The following AGPAT4 variants were observed in gnomAD, a reference collection of about 807,000 sequenced individuals.
The protein encoded by AGPAT4 is 1-acylglycerol-3-phosphate O-acyltransferase 4.
AGPAT4 carries 15 observed loss-of-function variants against 48.0 expected under a neutral mutation model. The observed-to-expected ratio is 0.31, with a 90% confidence interval of 0.21 to 0.48. The LOEUF (loss-of-function observed/expected upper bound fraction) is 0.48. Among genes scored for constraint, AGPAT4 ranks in the 20% least tolerant of loss-of-function variants. The probability of loss-of-function intolerance (pLI) is 0.99; values close to 1 mark genes in which losing one functional copy is unlikely to be tolerated. For missense variants in AGPAT4, 314 were observed against 482.5 expected (o/e 0.65, Z 3.27); for synonymous variants, 178 against 198.7 (o/e 0.90, Z 0.88).
Position 161,139,354 on chromosome 6 carries a change from C to G in AGPAT4, c.1042+68G>C. ...ACTGCCTATACAGATGGCCTTCGTC[C>G]CAGCCCTGATGCCACCTCTCCCAGG... On this transcript the variant is annotated intron_variant, in intron 8 of 8. Transcript: ENST00000320285. This position sits in a 1 kb window ranked among gnomAD's most constrained non-coding sequence, Gnocchi z 9.1. 1 of 1,566,684 alleles carries G rather than the reference C, an allele frequency of 6.4e-7. No homozygotes were observed. The highest frequency in any genetic ancestry group is 8.7e-7 in the Non-Finnish European group (1 of 1,145,548).
rs181766196 is a variant in AGPAT4 at position 161,229,187 on chromosome 6, C to A, written c.178+2849G>T. The stretch of plus-strand genomic sequence containing the variant: ...AAGCCATAGCTCTGCTAGAGGAAAG[C>A]GAACACAGAGATGGAAGGGCTCCGT... On this transcript the variant is annotated intron_variant, in intron 2 of 8. Transcript: ENST00000320285. The surrounding 1 kb of genome is among the most constrained non-coding windows in gnomAD (Gnocchi z 6.0). Among the ~76,000 whole-genome samples the A allele has an allele frequency of 9.9e-5, 15 of 152,090 alleles. No homozygotes were observed. Among genetic ancestry groups the A allele is most frequent in the African/African-American group, 3.6e-4 (15 of 41,496 alleles).
In AGPAT4 at chr6:161,225,010, C is replaced by T. The variant is rs532359734; in HGVS notation, c.178+7026G>A. The stretch of plus-strand genomic sequence containing the variant: ...GCTCCACCCTGACTCATTCCAATTA[C>T]GTGCTTCACCCTGACTCCTTCCAAC... On this transcript the variant is annotated intron_variant, in intron 2 of 8. Transcript: ENST00000320285. The surrounding 1 kb of genome is among the most constrained non-coding windows in gnomAD (Gnocchi z 5.0). Among the ~76,000 whole-genome samples, 5 of 152,220 alleles carry T rather than the reference C, an allele frequency of 3.3e-5. No homozygotes were observed. In the South Asian group the frequency reaches 6.2e-4, roughly 19 times the overall value.
Position 161,216,039 on chromosome 6 carries a change from G to A in AGPAT4, c.178+15997C>T, listed in dbSNP as rs557498485. 1.2e-4 allele frequency among the ~76,000 whole-genome samples: 18 copies of A among 152,276 alleles called. No individual in the cohort carries two copies. The highest frequency in any genetic ancestry group is 4.6e-4 in the Admixed American group (7 of 15,296). On this transcript the variant is annotated intron_variant, in intron 2 of 8. Coordinates refer to ENST00000320285, the MANE Select transcript of AGPAT4 (RefSeq NM_020133.3). This position sits in a 1 kb window ranked among gnomAD's most constrained non-coding sequence, Gnocchi z 4.8. ...CTTAACCGCACCATGTCCAGTTGAC[G>A]AGGATTAAAGAAAACAAACAAAAAA...
rs1554236603 is a variant in AGPAT4, at chr6:161,219,905, A to AGGC, written c.178+12128_178+12130dup. On this transcript the variant is annotated intron_variant, in intron 2 of 8. Coordinates refer to ENST00000320285, the MANE Select transcript of AGPAT4 (RefSeq NM_020133.3). The surrounding 1 kb of genome is among the most constrained non-coding windows in gnomAD (Gnocchi z 4.9). ...CAGGCAGGCAGGCAGGCAGGCAGGC[A>AGGC]GGCAGGCAGGCGGCAGGCAGGCAGG... Among the ~76,000 whole-genome samples the AGGC allele has an allele frequency of 7.5e-5, 10 of 134,122 alleles. No individual in the cohort carries two copies. The highest frequency in any genetic ancestry group is 4.3e-4 in the East Asian group (2 of 4,612). The allele number at this position is 134,122 out of a possible 152,430, so 88.0% of individuals were successfully genotyped here.
chr6:161,258,897 A>G (rs922966068), intron 1 of AGPAT4, among the ~76,000 whole-genome samples: 5 of 152,022 alleles, frequency 3.3e-5, no homozygotes, highest in Non-Finnish European at 7.4e-5. Context: ...CCCAGGTTCA[A>G]GAGATTCTCA....
rs1782608413 is a variant in AGPAT4, at chr6:161,244,915, G to A, written c.-89-12613C>T. 6.6e-6 allele frequency among the ~76,000 whole-genome samples: 1 copy of A among 152,220 alleles called. No homozygotes were observed. ...CTGGGGAGTCCCAGTGTCAGAGACA[G>A]GCTATCTCAGAAAACCAAGGAGATG... On this transcript the variant is annotated intron_variant, in intron 1 of 8. Transcript: ENST00000320285. The surrounding 1 kb of genome is among the most constrained non-coding windows in gnomAD (Gnocchi z 4.7).
rs1323391107 is a variant in AGPAT4 at position 161,146,918 on chromosome 6, T to C, written c.768-319A>G. ...AAAAAGGCCCCCAAAACCTGATATT[T>C]GCCTCTTCCAAAGAGGACAACACTG... On this transcript the variant is annotated intron_variant, in intron 6 of 8. Transcript: ENST00000320285. The surrounding 1 kb of genome is among the most constrained non-coding windows in gnomAD (Gnocchi z 7.1). Among the ~76,000 whole-genome samples, 1 of 152,168 alleles carries C rather than the reference T, an allele frequency of 6.6e-6. No individual in the cohort carries two copies. Among genetic ancestry groups the C allele is most frequent in the African/African-American group, 2.4e-5 (1 of 41,432 alleles).
rs993409536 is a variant in AGPAT4, at chr6:161,218,519, C to T, written c.178+13517G>A. On this transcript the variant is annotated intron_variant, in intron 2 of 8. Coordinates refer to ENST00000320285, the MANE Select transcript of AGPAT4 (RefSeq NM_020133.3). The surrounding 1 kb of genome is among the most constrained non-coding windows in gnomAD (Gnocchi z 4.7). ...CTCATCTTACAATTAAAAAACCAAA[C>T]CCAGGTAAGTTGACTGTGTCACCAA... is the stretch of plus-strand genomic sequence containing the variant. Among the ~76,000 whole-genome samples, 1 of 152,172 alleles carries T rather than the reference C, an allele frequency of 6.6e-6. No individual in the cohort carries two copies. The highest frequency in any genetic ancestry group is 1.5e-5 in the Non-Finnish European group (1 of 68,034).
intron 5 of AGPAT4, among the ~76,000 whole-genome samples, chr6:161,152,054 G>A (rs2114964380): frequency 1.3e-5 from 2 of 152,190 alleles, no homozygotes; most frequent in Middle Eastern, 3.4e-3. Flanking sequence ...CGGTTCTGCA[G>A]GCCCAAGTGA....
In AGPAT4 at chr6:161,236,982, A is replaced by T. The variant is rs993175843; in HGVS notation, c.-89-4680T>A. Among the ~76,000 whole-genome samples the T allele has an allele frequency of 6.6e-6, 1 of 152,196 alleles. No individual in the cohort carries two copies. Among genetic ancestry groups the T allele is most frequent in the African/African-American group, 2.4e-5 (1 of 41,456 alleles). On this transcript the variant is annotated intron_variant, in intron 1 of 8. Transcript: ENST00000320285. This position sits in a 1 kb window ranked among gnomAD's most constrained non-coding sequence, Gnocchi z 5.0. ...CAGACAAACCACAACCTAGTGAACT[A>T]AGGCAACATGCAAAAGGGATCGCGG...
intron 3 of AGPAT4, among the ~76,000 whole-genome samples, chr6:161,163,923 C>A (rs1420275483): frequency 2.0e-5 from 3 of 152,182 alleles, no homozygotes; most frequent in African/African-American, 7.2e-5. Flanking sequence ...AGCACAGTCT[C>A]CACCATCAGT....
chr6:161,201,597 C>G lies in AGPAT4; in HGVS notation c.178+30439G>C, dbSNP rs1350372826. Among the ~76,000 whole-genome samples the G allele has an allele frequency of 6.6e-6, 1 of 152,192 alleles. No individual in the cohort carries two copies. The highest frequency in any genetic ancestry group is 1.5e-5 in the Non-Finnish European group (1 of 68,044). On this transcript the variant is annotated intron_variant, in intron 2 of 8. Coordinates refer to ENST00000320285, the MANE Select transcript of AGPAT4 (RefSeq NM_020133.3). This position sits in a 1 kb window ranked among gnomAD's most constrained non-coding sequence, Gnocchi z 6.0. ...CTTCTTCAGCAGGGCTTCTCAAACTCTAATGTGCATTTGCATCATTGCAAC... is the reference window on the plus strand; with the variant it reads ...CTTCTTCAGCAGGGCTTCTCAAACTGTAATGTGCATTTGCATCATTGCAAC...
Position 161,266,967 on chromosome 6 carries a change from T to C in AGPAT4, c.-90+6971A>G, listed in dbSNP as rs933708148. ...TCTAAGATAAGCACTGGCAGGGTCTTTGCAGATAATAATCTGCCTTTAAAC... is the reference window on the plus strand; with the variant it reads ...TCTAAGATAAGCACTGGCAGGGTCTCTGCAGATAATAATCTGCCTTTAAAC... On this transcript the variant is annotated intron_variant, in intron 1 of 8. Transcript: ENST00000320285. The surrounding 1 kb of genome is among the most constrained non-coding windows in gnomAD (Gnocchi z 6.2). Among the ~76,000 whole-genome samples, 1 of 152,178 alleles carries C rather than the reference T, an allele frequency of 6.6e-6. No individual in the cohort carries two copies. The highest frequency in any genetic ancestry group is 1.9e-4 in the East Asian group (1 of 5,190).
chr6:161,268,995 A>T (rs1163013711), intron 1 of AGPAT4, among the ~76,000 whole-genome samples: 1 of 152,246 alleles, frequency 6.6e-6, no homozygotes, highest in South Asian at 2.1e-4. Context: ...TTTTATCAGA[A>T]CAAGACAGAG....
Position 161,136,742 on chromosome 6 carries a change from TCA to T in AGPAT4, c.1043-110_1043-109del, listed in dbSNP as rs1333255393. 4.3e-6 allele frequency: 4 copies of T among 941,160 alleles called. No homozygotes were observed. The Admixed American group carries it at 8.2e-5, about 19-fold the overall frequency. The allele number at this position is 941,160 out of a possible 1,614,324, so 58.3% of individuals were successfully genotyped here. A position where few individuals can be genotyped will look rare whatever the true frequency, so the allele number is the denominator to read the frequency against. ...GTGGCCGCAAATCACAAGCGCCAGC[TCA>T]GAGCTGGCTGGCGGGTTTGAGGTGC... On this transcript the variant is annotated intron_variant, in intron 8 of 8. Coordinates refer to ENST00000320285, the MANE Select transcript of AGPAT4 (RefSeq NM_020133.3).
In AGPAT4 at chr6:161,234,169, G is replaced by A. The variant is rs1022706426; in HGVS notation, c.-89-1867C>T. On this transcript the variant is annotated intron_variant, in intron 1 of 8. Transcript: ENST00000320285. The surrounding 1 kb of genome is among the most constrained non-coding windows in gnomAD (Gnocchi z 4.4). ...AGTGCAGTCACTCCTGGGTCATGCA[G>A]GTTGGCTCTGAGGATGGTTTCGGGC... is the stretch of plus-strand genomic sequence containing the variant. Among the ~76,000 whole-genome samples, 8 of 152,190 alleles carry A rather than the reference G, an allele frequency of 5.3e-5. No homozygotes were observed. The highest frequency in any genetic ancestry group is 1.2e-4 in the Non-Finnish European group (8 of 68,036).
chr6:161,240,917 T>A lies in AGPAT4; in HGVS notation c.-89-8615A>T, dbSNP rs936456746. 6.6e-6 allele frequency among the ~76,000 whole-genome samples: 1 copy of A among 152,146 alleles called. No homozygotes were observed. The highest frequency in any genetic ancestry group is 1.5e-5 in the Non-Finnish European group (1 of 68,024). Reference sequence around the variant, plus strand: ...AAACAGGAGAGAAAGTATTCTAGACTGGATTTAACTGTCTTTGGGACGAGC... The same window carrying A: ...AAACAGGAGAGAAAGTATTCTAGACAGGATTTAACTGTCTTTGGGACGAGC... On this transcript the variant is annotated intron_variant, in intron 1 of 8. Coordinates refer to ENST00000320285, the MANE Select transcript of AGPAT4 (RefSeq NM_020133.3). This position sits in a 1 kb window ranked among gnomAD's most constrained non-coding sequence, Gnocchi z 5.5.
rs547434237 is a variant in AGPAT4, at chr6:161,138,022, G to A, written c.1043-1388C>T. Among the ~76,000 whole-genome samples the A allele has an allele frequency of 4.4e-4, 67 of 152,314 alleles. No homozygotes were observed. The highest frequency in any genetic ancestry group is 1.4e-3 in the Admixed American group (21 of 15,306). ...TGAAGGGGCCCCTCTCCAAGACGGC[G>A]TGGGTGTGTGTGTGCCTTGCTGTTG... On this transcript the variant is annotated intron_variant, in intron 8 of 8. Transcript: ENST00000320285. The surrounding 1 kb of genome is among the most constrained non-coding windows in gnomAD (Gnocchi z 4.8).
At chr6:161,170,872 G>C (rs1276666943) in intron 2 of AGPAT4, among the ~76,000 whole-genome samples, 1 of 152,166 alleles carries the variant, frequency 6.6e-6, no homozygotes, top group Admixed American at 6.5e-5. Context: ...CGTTCAGCCT[G>C]TCCTTCCACT....
Sources: allele counts gnomAD v4.1 joint callset (sites outside exome capture counted in the v4.1 genomes callset), GRCh38; gene constraint gnomAD v4.1.1; non-coding constraint Gnocchi (gnomAD v3.1); transcripts MANE v1.5; gene names NCBI Gene and HGNC (gene_info 2026-07-23, HGNC 2026-07-21).